Variants in COL6A6 observed in about 807,000 individuals in gnomAD.
The protein encoded by COL6A6 is collagen type VI alpha 6 chain.
In COL6A6, 183 loss-of-function variants were observed where a neutral mutation model predicts 208.6. The observed-to-expected ratio is 0.88, with a 90% confidence interval of 0.78 to 0.99. The LOEUF (loss-of-function observed/expected upper bound fraction) is 0.99, where lower values mean the gene tolerates loss of function less well. Among genes scored for constraint, COL6A6 ranks in the 50% least tolerant of loss-of-function variants. The pLI, the probability that COL6A6 is intolerant of heterozygous loss-of-function variation, is 0.00. For synonymous variants in COL6A6, 973 were observed against 1,011.8 expected, an observed-to-expected ratio of 0.96 and a Z score of 0.73; for missense variants, 2,816 against 2,815.2, an observed-to-expected ratio of 1.00 and a Z score of -0.01.
At chr3:130,591,354 G>T (rs1016222315) in intron 13 of COL6A6, among the ~76,000 whole-genome samples, 1 of 152,144 alleles carries the variant, frequency 6.6e-6, no homozygotes, top group African/African-American at 2.4e-5. Context: ...TAGGGGAGTT[G>T]AATCACTGCT....
At position 130,586,497 on chromosome 3, in the gene COL6A6, G is replaced by T. The variant is rs748443189; in HGVS notation, c.3971-9G>T. ...CCTCACCTGGAACATTGTAAACTGTGTTGGATAGGCCTGAATGCCCTCATA... is the reference window on the plus strand; with the variant it reads ...CCTCACCTGGAACATTGTAAACTGTTTTGGATAGGCCTGAATGCCCTCATA... On this transcript the variant is annotated splice_polypyrimidine_tract_variant and intron_variant, in intron 10 of 36. Coordinates refer to ENST00000358511, the MANE Select transcript of COL6A6 (RefSeq NM_001102608.3). 12 of 1,607,346 alleles carry T rather than the reference G, an allele frequency of 7.5e-6. No individual in the cohort carries two copies. The highest frequency in any genetic ancestry group is 1.0e-5 in the Non-Finnish European group (12 of 1,177,742).
intron 2 of COL6A6, among the ~76,000 whole-genome samples, chr3:130,561,985 G>A (rs1269934761): frequency 2.0e-5 from 3 of 152,178 alleles, no homozygotes; most frequent in Admixed American, 6.5e-5. Flanking sequence ...AAAAACTAAG[G>A]CCCAAGTGTA....
intron 12 of COL6A6, 129 bp downstream of exon 12, chr3:130,589,311 C>T (rs1180503821): frequency 6.9e-6 from 4 of 579,624 alleles, no homozygotes; most frequent in Admixed American, 3.4e-5. Flanking sequence ...TATTATACTC[C>T]TCTTTTTATA....
chr3:130,604,842 C>A (rs2064136587), intron 20 of COL6A6, among the ~76,000 whole-genome samples: 1 of 152,232 alleles, frequency 6.6e-6, no homozygotes, highest in Non-Finnish European at 1.5e-5. Context: ...TGTTCCACTT[C>A]CGTTAAACAT....
At chr3:130,560,829 G>T (rs1261425376) in intron 2 of COL6A6, among the ~76,000 whole-genome samples, 2 of 152,198 alleles carry the variant, frequency 1.3e-5, no homozygotes, top group Non-Finnish European at 2.9e-5. Context: ...GCTGCTTATT[G>T]TGAAGAAAGT....
intron 1 of COL6A6, among the ~76,000 whole-genome samples, chr3:130,554,913 C>T (rs1331859271): frequency 6.6e-6 from 1 of 152,076 alleles, no homozygotes; most frequent in Non-Finnish European, 1.5e-5. Context: ...GGAGCTATGA[C>T]GTGGGCCCCT....
rs542723347 is a variant in COL6A6 at position 130,549,791 on chromosome 3, G to A, written c.-31-10543G>A. Among the ~76,000 whole-genome samples, 7 of 152,254 alleles carry A rather than the reference G, an allele frequency of 4.6e-5. No homozygotes were observed. The South Asian group carries it at 1.2e-3, about 27-fold the overall frequency. On this transcript the variant is annotated intron_variant, in intron 1 of 36. Transcript: ENST00000358511. The stretch of plus-strand genomic sequence containing the variant: ...GTACCATGCTGTTTTGGTTACTGTA[G>A]CCTTGTAGTATAGTTTGAAGTCAGG...
At chr3:130,619,860 T>C (rs1382421300) in intron 23 of COL6A6, among the ~76,000 whole-genome samples, 2 of 152,080 alleles carry the variant, frequency 1.3e-5, no homozygotes, top group Admixed American at 6.6e-5. Flanking sequence ...GAAAAGAAAA[T>C]GAGACTGGAA....
chr3:130,675,131 A>C, intron 36 of COL6A6, 71 bp from the exon 37 acceptor site: 1 of 979,396 alleles, frequency 1.0e-6, no homozygotes, highest in Non-Finnish European at 1.4e-6. Flanking sequence ...ATTTACTATG[A>C]CAGATTAATA....
At position 130,591,100 on chromosome 3, in the gene COL6A6, T is replaced by C; in HGVS notation, c.4272+6T>C. The C allele has an allele frequency of 6.3e-7, 1 of 1,575,148 alleles. No individual in the cohort carries two copies. Among genetic ancestry groups the C allele is most frequent in the South Asian group, 1.2e-5 (1 of 85,960 alleles). On this transcript the variant is annotated splice_donor_region_variant and intron_variant, in intron 13 of 36. Transcript: ENST00000358511. The stretch of plus-strand genomic sequence containing the variant: ...TGGGAGAGGAGGGAATCGCTGTAAG[T>C]CAGGGCTCTTTTTTACCTCCATTTA...
At position 130,548,506 on chromosome 3, in the gene COL6A6, T is replaced by G. The variant is rs951966107; in HGVS notation, c.-31-11828T>G. Among the ~76,000 whole-genome samples the G allele has an allele frequency of 3.9e-5, 6 of 152,186 alleles. No individual in the cohort carries two copies. In the South Asian group the frequency reaches 6.2e-4, roughly 16 times the overall value. On this transcript the variant is annotated intron_variant, in intron 1 of 36. Coordinates refer to ENST00000358511, the MANE Select transcript of COL6A6 (RefSeq NM_001102608.3). ...ATTTCTTCCTCCAGGTCAGTTAAGC[T>G]CTGATAAAACCCCAGCTGGTTAGGA... is the stretch of plus-strand genomic sequence containing the variant.
intron 34 of COL6A6, among the ~76,000 whole-genome samples, chr3:130,659,959 G>C (rs1396451326): frequency 6.6e-6 from 1 of 152,138 alleles, no homozygotes; most frequent in Non-Finnish European, 1.5e-5. Context: ...GCACAGAATT[G>C]GTTTAGGCGC....
chr3:130,591,192 T>C (rs2063706390), intron 13 of COL6A6, 98 bp downstream of exon 13: 5 of 882,084 alleles, frequency 5.7e-6, no homozygotes, highest in Admixed American at 4.4e-5. Context: ...AAGGTGAGAT[T>C]CTAAGGATTC....
In COL6A6 at chr3:130,567,118, G is replaced by A. The variant is rs767476906; in HGVS notation, c.1699G>A (p.Val567Ile). ...ANRLREEHIR[V>I]YAIGIKEANQ... ...CAGACTGAGAGAAGAGCACATCCGAGTTTATGCTATCGGGATCAAGGAGGC... is the reference window on the plus strand; with the variant it reads ...CAGACTGAGAGAAGAGCACATCCGAATTTATGCTATCGGGATCAAGGAGGC... Residue 567 changes from valine (V) to isoleucine (I), a missense_variant, in exon 5 of 37, where the codon GTT (valine) becomes ATT (isoleucine). Coordinates refer to ENST00000358511, the MANE Select transcript of COL6A6 (RefSeq NM_001102608.3). 6 of 1,613,982 alleles carry A rather than the reference G, an allele frequency of 3.7e-6. No homozygotes were observed. In the East Asian group the frequency reaches 1.3e-4, roughly 36 times the overall value.
At chr3:130,626,568 T>G (rs1232123204) in intron 25 of COL6A6, 21 bp downstream of exon 25, 1 of 1,578,876 alleles carries the variant, frequency 6.3e-7, no homozygotes, top group Non-Finnish European at 8.7e-7. Flanking sequence ...TGACACTAGT[T>G]TTGATCGGAT....
chr3:130,571,599 T>A (rs1281187537), intron 7 of COL6A6, among the ~76,000 whole-genome samples: 2 of 152,182 alleles, frequency 1.3e-5, no homozygotes, highest in Non-Finnish European at 2.9e-5. Flanking sequence ...GAGAGATACT[T>A]TCTGCAGCAT....
At position 130,662,001 on chromosome 3, in the gene COL6A6, A is replaced by G. The variant is rs147734388; in HGVS notation, c.6195A>G (p.Leu2065=). The G allele has an allele frequency of 1.2e-6, 2 of 1,614,030 alleles. No homozygotes were observed. Among genetic ancestry groups the G allele is most frequent in the African/African-American group, 1.3e-5 (1 of 75,050 alleles). ...GAGATGCTTTTATTGGTCATGCCTTACAGTGGACTCTGGACAATGTATTTT... is the reference window on the plus strand; with the variant it reads ...GAGATGCTTTTATTGGTCATGCCTTGCAGTGGACTCTGGACAATGTATTTT... ...LNGDAFIGHA[L]QWTLDNVFLS... Residue 2065 remains leucine (L), a synonymous_variant, in exon 35 of 37, where the codon TTA becomes TTG. Transcript: ENST00000358511.
At chr3:130,626,602 G>C (rs2064893989) in intron 25 of COL6A6, 55 bp downstream of exon 25, 1 of 1,200,724 alleles carries the variant, frequency 8.3e-7, no homozygotes, top group African/African-American at 1.5e-5. Flanking sequence ...TAGTTCAGTA[G>C]ACATCTGGTG....
intron 24 of COL6A6, among the ~76,000 whole-genome samples, 156 bp downstream of exon 24, chr3:130,622,039 G>A (rs2064735467): frequency 6.6e-6 from 1 of 152,104 alleles, no homozygotes; most frequent in Non-Finnish European, 1.5e-5. Flanking sequence ...AACCTCTAAG[G>A]ACATGGGTGT....
Sources: allele counts gnomAD v4.1 joint callset (sites outside exome capture counted in the v4.1 genomes callset), GRCh38; gene constraint gnomAD v4.1.1; transcripts MANE v1.5; gene names NCBI Gene and HGNC (gene_info 2026-07-23, HGNC 2026-07-21).